The following SNX29 variants were observed in gnomAD, a reference collection of about 807,000 sequenced individuals.
The protein encoded by SNX29 is sorting nexin 29, also known as sorting nexin-29.
SNX29 carries 78 observed loss-of-function variants against 102.1 expected under a neutral mutation model. The observed-to-expected ratio is 0.76, with a 90% CI of 0.64 to 0.92. The LOEUF is 0.92. Ranked by LOEUF, SNX29 falls within the 40% of genes least tolerant of loss-of-function variation. SNX29 has a pLI of 0.00. For missense variants in SNX29, 1,280 were observed against 1,061.7 expected, an observed-to-expected ratio of 1.21 and a Z score of -2.86; for synonymous variants, 580 against 414.5, an observed-to-expected ratio of 1.40 and a Z score of -4.85.
At chr16:12,311,276 G>C (rs1414699032) in intron 15 of SNX29, among the ~76,000 whole-genome samples, 1 of 152,120 alleles carries the variant, frequency 6.6e-6, no homozygotes, top group African/African-American at 2.4e-5. Flanking sequence ...GGATTGAGTA[G>C]AGATCTTTCC....
chr16:12,229,389 A>T (rs982403331), intron 14 of SNX29, among the ~76,000 whole-genome samples: 1 of 152,190 alleles, frequency 6.6e-6, no homozygotes, highest in Non-Finnish European at 1.5e-5. Context: ...TGAACATCTA[A>T]CCAATTTCCA....
At chr16:12,553,403 G>A (rs527702923) in intron 20 of SNX29, among the ~76,000 whole-genome samples, 71 of 152,254 alleles carry the variant, frequency 4.7e-4, no homozygotes, top group African/African-American at 1.7e-3. Context: ...AAGTAGTTCT[G>A]GTGGTTGAAA....
intron 20 of SNX29, among the ~76,000 whole-genome samples, chr16:12,550,594 C>T (rs1025756494): frequency 7.3e-5 from 11 of 150,798 alleles, no homozygotes; most frequent in South Asian, 2.1e-4. Context: ...TGCATACATA[C>T]GTGCTTCTAT....
chr16:12,010,070 A>G (rs909073410), intron 3 of SNX29, among the ~76,000 whole-genome samples: 12 of 152,214 alleles, frequency 7.9e-5, no homozygotes, highest in Admixed American at 3.3e-4. Context: ...CTTGCACCTC[A>G]ATATCCTCAA....
intron 14 of SNX29, among the ~76,000 whole-genome samples, chr16:12,227,312 G>A (rs1391816488): frequency 1.3e-5 from 2 of 152,018 alleles, no homozygotes; most frequent in Non-Finnish European, 2.9e-5. Context: ...TTCTTCTCTT[G>A]GACTCCTTCC....
At chr16:12,418,311 G>T (rs1332262596) in intron 18 of SNX29, among the ~76,000 whole-genome samples, 1 of 152,142 alleles carries the variant, frequency 6.6e-6, no homozygotes, top group East Asian at 1.9e-4. Flanking sequence ...AGAGAAAACA[G>T]TCTGGAGCCA....
At chr16:12,217,921 C>T (rs999649368) in intron 14 of SNX29, among the ~76,000 whole-genome samples, 25 of 152,200 alleles carry the variant, frequency 1.6e-4, no homozygotes, top group African/African-American at 5.8e-4. Flanking sequence ...TTAAACTACT[C>T]TTTCTGTATA....
At chr16:12,347,854 GATT>G (rs1337373972) in intron 15 of SNX29, among the ~76,000 whole-genome samples, 1 of 149,662 alleles carries the variant, frequency 6.7e-6, no homozygotes, top group African/African-American at 2.5e-5. Context: ...GAGGCAGGAG[GATT>G]CCTTGAGTCC....
chr16:12,088,414 TC>T (rs1363590964), intron 11 of SNX29, among the ~76,000 whole-genome samples: 3 of 152,112 alleles, frequency 2.0e-5, no homozygotes, highest in African/African-American at 7.2e-5. Flanking sequence ...TAGACTCTGT[TC>T]CCACTTGTTC....
At position 12,408,856 on chromosome 16, in the gene SNX29, A is replaced by C. The variant is rs140535737; in HGVS notation, c.2037+5327A>C. 9.4e-3 allele frequency among the ~76,000 whole-genome samples: 1,432 copies of C among 152,336 alleles called. 22 individuals are homozygous for C. Among genetic ancestry groups the C allele is most frequent in the African/African-American group, 0.032 (1,347 of 41,578 alleles). ...GTCATCCTACATGCCAAAGAAATTAAGGTAATTCCCCTGCTATGTGCAGTC... is the reference window on the plus strand; with the variant it reads ...GTCATCCTACATGCCAAAGAAATTACGGTAATTCCCCTGCTATGTGCAGTC... On this transcript the variant is annotated intron_variant, in intron 18 of 20. Coordinates refer to ENST00000566228, the MANE Select transcript of SNX29 (RefSeq NM_032167.5).
At chr16:12,264,541 G>A (rs1372625238) in intron 14 of SNX29, among the ~76,000 whole-genome samples, 1 of 152,174 alleles carries the variant, frequency 6.6e-6, no homozygotes, top group Non-Finnish European at 1.5e-5. Flanking sequence ...CAGCACTTTG[G>A]GAGGCTAAAG....
chr16:12,573,532 G>T lies in SNX29; in HGVS notation c.*4903G>T, dbSNP rs1005503157. 4.4e-6 allele frequency: 1 copy of T among 224,762 alleles called. No individual in the cohort carries two copies. The highest frequency in any genetic ancestry group is 8.9e-6 in the Non-Finnish European group (1 of 112,828). 13.9% of individuals were successfully genotyped at this position (224,762 alleles called of 1,614,324 possible). ...AGGCCCAGGGATTTAGTTCTTACTG[G>T]TGCGTAAGTGTTTTCCCATCCTAAC... On this transcript the variant is annotated 3_prime_UTR_variant, in exon 21 of 21. Transcript: ENST00000566228.
intron 15 of SNX29, among the ~76,000 whole-genome samples, chr16:12,327,835 G>A (rs2081167920): frequency 6.6e-6 from 1 of 152,102 alleles, no homozygotes; most frequent in African/African-American, 2.4e-5. Context: ...CCCATGAGGT[G>A]ACCATTTGGG....
chr16:12,273,672 T>C (rs1340118942), intron 14 of SNX29, among the ~76,000 whole-genome samples: 1 of 152,186 alleles, frequency 6.6e-6, no homozygotes, highest in Non-Finnish European at 1.5e-5. Context: ...GTGGTTTTTA[T>C]ATTCACAAAT....
Position 12,574,253 on chromosome 16 carries a change from A to T in SNX29, c.*5624A>T, listed in dbSNP as rs956839127. On this transcript the variant is annotated 3_prime_UTR_variant, in exon 21 of 21. Transcript: ENST00000566228. ...GAGATCAACCTCTTTACAATGACACAAATTGTGACATTTTATAAATTAGAT... is the reference window on the plus strand; with the variant it reads ...GAGATCAACCTCTTTACAATGACACTAATTGTGACATTTTATAAATTAGAT... 5.7e-6 allele frequency: 1 copy of T among 175,850 alleles called. No individual in the cohort carries two copies. Among genetic ancestry groups the T allele is most frequent in the African/African-American group, 2.4e-5 (1 of 42,176 alleles). The allele number at this position is 175,850 out of a possible 1,614,324, so 10.9% of individuals were successfully genotyped here.
chr16:12,512,369 A>AATATATATATATATATATATATATAT (rs58157322), intron 19 of SNX29, among the ~76,000 whole-genome samples: 1 of 43,962 alleles, frequency 2.3e-5, no homozygotes, highest in African/African-American at 9.2e-5. Flanking sequence ...GCCCAGGGAA[A>AATATATATATATATATATATATATAT]ATATATATAT....
intron 11 of SNX29, among the ~76,000 whole-genome samples, chr16:12,124,873 G>C (rs13333662): frequency 0.26 from 38,861 of 152,098 alleles, 4,941 homozygotes; most frequent in Middle Eastern, 0.33. Context: ...GCCTTTCAGC[G>C]GTAGGAGAGG....
At chr16:12,422,767 G>C (rs2084921040) in intron 18 of SNX29, among the ~76,000 whole-genome samples, 1 of 152,174 alleles carries the variant, frequency 6.6e-6, no homozygotes, top group East Asian at 1.9e-4. Context: ...GCCTCCACAT[G>C]GCCGCCAGCT....
chr16:12,524,772 T>C lies in SNX29; in HGVS notation c.2249T>C (p.Ile750Thr), dbSNP rs770826593. ...CTGCGCAGCGTCATGAACAAAGTCA[T>C]CCAGATGGTCCCCGAGTTCGCTGCC... ...NYLRSVMNKV[I>T]QMVPEFAASP... is the part of the protein sequence containing the mutation. Residue 750 changes from isoleucine to threonine, a missense_variant, in exon 20 of 21, where the codon ATC becomes ACC. Ile to Thr is a moderately conservative substitution (Grantham distance 89). Transcript: ENST00000566228. 7 of 1,613,772 alleles carry C rather than the reference T, an allele frequency of 4.3e-6. No homozygotes were observed. Among genetic ancestry groups the C allele is most frequent in the Middle Eastern group, 1.6e-4 (1 of 6,062 alleles).
Sources: allele counts gnomAD v4.1 joint callset (sites outside exome capture counted in the v4.1 genomes callset), GRCh38; gene constraint gnomAD v4.1.1; transcripts MANE v1.5; gene names NCBI Gene and HGNC (gene_info 2026-07-23, HGNC 2026-07-21).